Variants in FCGR3A observed in about 807,000 individuals in gnomAD.
The protein encoded by FCGR3A is Fc gamma receptor IIIa, also known as low affinity immunoglobulin gamma Fc region receptor III-A.
A neutral mutation model predicts 24.1 loss-of-function variants in FCGR3A; 13 were observed. The observed-to-expected ratio is 0.54, with a 90% CI of 0.35 to 0.86. FCGR3A has a LOEUF of 0.86. FCGR3A is among the 40% of genes least tolerant of loss of function. The probability of loss-of-function intolerance (pLI) is 0.01; values close to 1 mark genes in which losing one functional copy is unlikely to be tolerated. For missense variants in FCGR3A, 235 were observed against 298.0 expected (o/e 0.79, Z 1.56); for synonymous variants, 93 against 112.2 (o/e 0.83, Z 1.08).
At chr1:161,549,959 G>A, upstream of FCGR3A, 2 of 1,242,146 alleles carry the variant, frequency 1.6e-6, no homozygotes, top group Middle Eastern at 1.9e-4. Context: ...CTGGAGGCAA[G>A]GTGGGTGGGT....
At chr1:161,543,297 G>A in intron 4 of FCGR3A, 98 bp from the exon 5 acceptor site, 1 of 1,389,582 alleles carries the variant, frequency 7.2e-7, no homozygotes, top group South Asian at 1.3e-5. Flanking sequence ...TTTGACAACA[G>A]CCAACAGGCA....
Position 161,548,561 on chromosome 1 carries a change from C to G in FCGR3A, c.179G>C (p.Trp60Ser), listed in dbSNP as rs764331513. Residue 60 changes from tryptophan (W) to serine (S), a missense_variant, in exon 3 of 5, where the codon TGG (tryptophan) becomes TCG (serine). Trp to Ser is a radical substitution (Grantham distance 177, BLOSUM62 -3). Coordinates refer to ENST00000443193, the MANE Select transcript of FCGR3A (RefSeq NM_000569.8). ...TGAGATGAGGCTCTCATTGTGAAAC[C>G]ACTGTGTGGAATTGTCCTCAGGGGA... ...AYSPEDNSTQ[W>S]FHNESLISSQ... 6.2e-7 allele frequency: 1 copy of G among 1,614,018 alleles called. No individual in the cohort carries two copies. Among genetic ancestry groups the G allele is most frequent in the South Asian group, 1.1e-5 (1 of 91,080 alleles).
Position 161,543,055 on chromosome 1 carries a change from T to A in FCGR3A, c.722A>T (p.Lys241Met). The change falls in exon 5 of 5, where the codon AAG becomes ATG. Residue 241 changes from lysine to methionine, a missense_variant. Physicochemically the swap from Lys to Met is moderately conservative, Grantham distance 95. Transcript: ENST00000443193. ...TNIRSSTRDW[K>M]DHKFKWRKDP... ...CTTTCTCCATTTAAATTTATGGTCC[T>A]TCCAGTCTCTTGTTGAGCTTCGAAT... The A allele has an allele frequency of 6.2e-7, 1 of 1,613,314 alleles. No homozygotes were observed. Among genetic ancestry groups the A allele is most frequent in the South Asian group, 1.1e-5 (1 of 90,986 alleles).
chr1:161,549,613 G>A lies in FCGR3A; in HGVS notation c.40+84C>T, dbSNP rs1345568306. On this transcript the variant is annotated intron_variant, in intron 1 of 4. Transcript: ENST00000443193. ...TGAGGGGTCCCATCCCTTCGTGGGA[G>A]TCTCATTCGTAGCCTGAAAAGGGGT... The A allele has an allele frequency of 5.7e-6, 9 of 1,576,186 alleles. No homozygotes were observed. In the African/African-American group the frequency reaches 8.1e-5, roughly 14 times the overall value.
chr1:161,550,000 G>A, upstream of FCGR3A: 3 of 776,538 alleles, frequency 3.9e-6, no homozygotes, highest in East Asian at 5.3e-5. Flanking sequence ...AAGGTCTGTG[G>A]CTGAGCATCT....
chr1:161,546,722 T>C (rs577019479), intron 3 of FCGR3A, among the ~76,000 whole-genome samples: 339 of 151,830 alleles, frequency 2.2e-3, no homozygotes, highest in African/African-American at 6.3e-3. Context: ...TGGCTAACGC[T>C]GCGAAACCCT....
At chr1:161,546,604 T>A (rs1424704255) in intron 3 of FCGR3A, among the ~76,000 whole-genome samples, 1 of 151,960 alleles carries the variant, frequency 6.6e-6, no homozygotes, top group Non-Finnish European at 1.5e-5. Flanking sequence ...AAATTCTGCC[T>A]GAAAGAAGTA....
intron 4 of FCGR3A, 39 bp downstream of exon 4, chr1:161,544,662 C>G (rs368731816): frequency 7.5e-6 from 12 of 1,601,226 alleles, no homozygotes; most frequent in Non-Finnish European, 1.0e-5. Flanking sequence ...GTTCCACACA[C>G]AGGCGTCCCT....
chr1:161,544,619 T>G, intron 4 of FCGR3A, 82 bp downstream of exon 4: 1 of 1,511,148 alleles, frequency 6.6e-7, no homozygotes, highest in Non-Finnish European at 9.0e-7. Context: ...ATCAGGAATC[T>G]CCTCCCAACT....
Position 161,549,112 on chromosome 1 carries a change from C to T in FCGR3A, c.41-81G>A, listed in dbSNP as rs536684050. ...GAACATAGAGTGAGTTTAAAACTCCCCTGCCCTCCTCTGCCCCAGGAGCCC... is the reference window on the plus strand; with the variant it reads ...GAACATAGAGTGAGTTTAAAACTCCTCTGCCCTCCTCTGCCCCAGGAGCCC... On this transcript the variant is annotated intron_variant, in intron 1 of 4. Coordinates refer to ENST00000443193, the MANE Select transcript of FCGR3A (RefSeq NM_000569.8). 6.6e-6 allele frequency: 8 copies of T among 1,217,774 alleles called. No individual in the cohort carries two copies. In the East Asian group the frequency reaches 1.7e-4, roughly 26 times the overall value. The allele number at this position is 1,217,774 out of a possible 1,614,324, so 75.4% of individuals were successfully genotyped here. A position where few individuals can be genotyped will look rare whatever the true frequency, so the allele number is the denominator to read the frequency against.
In FCGR3A at chr1:161,549,681, G is replaced by A. The variant is rs753174968; in HGVS notation, c.40+16C>T. On this transcript the variant is annotated intron_variant, in intron 1 of 4. Coordinates refer to ENST00000443193, the MANE Select transcript of FCGR3A (RefSeq NM_000569.8). ...CATCTCAAACTTCTCCCTCAACCAG[G>A]GAGACCCTGACTTACCTAGAAGTAG... 1 of 1,613,450 alleles carries A rather than the reference G, an allele frequency of 6.2e-7. No homozygotes were observed. Among genetic ancestry groups the A allele is most frequent in the Non-Finnish European group, 8.5e-7 (1 of 1,179,710 alleles).
chr1:161,544,567 G>T, intron 4 of FCGR3A, 134 bp downstream of exon 4: 1 of 911,322 alleles, frequency 1.1e-6, no homozygotes, highest in Non-Finnish European at 1.7e-6. Context: ...ACCTCCTGGT[G>T]ATCACCAGGA....
chr1:161,549,865 C>A, upstream of FCGR3A: 1 of 1,611,524 alleles, frequency 6.2e-7, no homozygotes, highest in Non-Finnish European at 8.5e-7. Flanking sequence ...CACCAATTTC[C>A]TTTTCTTGAA....
In FCGR3A at chr1:161,549,024, A is replaced by T. The variant is rs1195210043; in HGVS notation, c.48T>A (p.Ala16=). The T allele has an allele frequency of 6.3e-7, 1 of 1,592,892 alleles. No individual in the cohort carries two copies. Among genetic ancestry groups the T allele is most frequent in the Non-Finnish European group, 8.6e-7 (1 of 1,162,452 alleles). Residue 16 remains alanine (A), a synonymous_variant, in exon 2 of 5, where the codon GCT becomes GCA. Transcript: ENST00000443193. The part of the protein sequence containing the change: ...LPTALLLLVS[A]GMRTEDLPKA... ...AAGCTGACTCACCAGTCCGCATGCC[A>T]GCTGAAACTGCAAGAAAAAAGATAA...
chr1:161,546,663 T>G (rs891790607), intron 3 of FCGR3A, among the ~76,000 whole-genome samples: 20 of 151,966 alleles, frequency 1.3e-4, no homozygotes, highest in Non-Finnish European at 2.5e-4. Context: ...CCTAGTACTT[T>G]GGGAGGCCGA....
At chr1:161,548,772 T>G (rs1036429876) in intron 2 of FCGR3A, 94 bp from the exon 3 acceptor site, 2 of 1,584,440 alleles carry the variant, frequency 1.3e-6, no homozygotes, top group African/African-American at 2.7e-5. Context: ...ATGAGCTCAT[T>G]GCAAACCCAT....
At chr1:161,545,955 G>A (rs560192195) in intron 3 of FCGR3A, among the ~76,000 whole-genome samples, 246 of 152,158 alleles carry the variant, frequency 1.6e-3, no homozygotes, top group Non-Finnish European at 2.8e-3. Flanking sequence ...GAAGGAGTGG[G>A]ACTGAAGGAC....
In FCGR3A at chr1:161,544,621, C is replaced by T. The variant is rs1372550310; in HGVS notation, c.577+80G>A. ...AGTGCGTGTAAGAATCAGGAATCTC[C>T]TCCCAACTCAACTTCCCAGTGTGAT... On this transcript the variant is annotated intron_variant, in intron 4 of 4. Coordinates refer to ENST00000443193, the MANE Select transcript of FCGR3A (RefSeq NM_000569.8). The T allele has an allele frequency of 8.5e-6, 13 of 1,529,842 alleles. No individual in the cohort carries two copies. In the African/African-American group the frequency reaches 1.5e-4, roughly 18 times the overall value. 94.8% of individuals were successfully genotyped at this position (1,529,842 alleles called of 1,614,324 possible). A position where few individuals can be genotyped will look rare whatever the true frequency, so the allele number is the denominator to read the frequency against.
In FCGR3A at chr1:161,549,799, C is replaced by A. The variant is rs773670166; in HGVS notation, c.-63G>T. On this transcript the variant is annotated 5_prime_UTR_variant, in exon 1 of 5. Coordinates refer to ENST00000443193, the MANE Select transcript of FCGR3A (RefSeq NM_000569.8). ...CGGAGCCCTAAAGGGACCAAACCGA[C>A]TAGACAGGAGGAAGTAAACAGCCTT... 17 of 1,613,776 alleles carry A rather than the reference C, an allele frequency of 1.1e-5. 1 individual carries two copies. Among genetic ancestry groups the A allele is most frequent in the Non-Finnish European group, 1.4e-5 (17 of 1,179,898 alleles).
Sources: gnomAD v4.1 joint callset for allele counts (sites outside exome capture counted in the v4.1 genomes callset) on GRCh38, gnomAD v4.1.1 for gene constraint, MANE v1.5 for transcripts, NCBI Gene and HGNC (gene_info 2026-07-23, HGNC 2026-07-21) for gene names.